The following GRIP1 variants were observed in gnomAD, a reference collection of about 807,000 sequenced individuals.
The protein encoded by GRIP1 is glutamate receptor interacting protein 1.
GRIP1 carries 45 observed loss-of-function variants against 129.9 expected under a neutral mutation model. The observed-to-expected ratio is 0.35, with a 90% confidence interval of 0.27 to 0.44. The LOEUF (loss-of-function observed/expected upper bound fraction) is 0.44. Ranked by LOEUF, GRIP1 falls within the 20% of genes least tolerant of loss-of-function variation. The probability of loss-of-function intolerance (pLI) is 1.00; values close to 1 mark genes in which losing one functional copy is unlikely to be tolerated. For synonymous variants in GRIP1, 530 were observed against 520.8 expected (o/e 1.02, Z -0.24); for missense variants, 1,196 against 1,396.8 (o/e 0.86, Z 2.29).
chr12:66,872,612 TA>T (rs1324574781), intron 1 of GRIP1, among the ~76,000 whole-genome samples: 1 of 151,882 alleles, frequency 6.6e-6, no homozygotes, highest in African/African-American at 2.4e-5. Flanking sequence ...AAAATATATA[TA>T]AAAAAACATC....
intron 24 of GRIP1, among the ~76,000 whole-genome samples, chr12:66,351,977 C>T (rs550516755): frequency 1.3e-5 from 2 of 152,146 alleles, no homozygotes; most frequent in South Asian, 2.1e-4. Context: ...AAAGTTGAGT[C>T]GGAATGAGGC....
At chr12:66,384,700 T>C (rs1402410362) in intron 19 of GRIP1, among the ~76,000 whole-genome samples, 2 of 152,206 alleles carry the variant, frequency 1.3e-5, no homozygotes, top group African/African-American at 2.4e-5. Context: ...GGAGTTACCA[T>C]ATTTCATCAG....
intron 1 of GRIP1, among the ~76,000 whole-genome samples, chr12:66,762,462 A>G (rs1327323135): frequency 2.0e-5 from 3 of 152,136 alleles, no homozygotes; most frequent in Non-Finnish European, 4.4e-5. Context: ...TTTTCCTGTT[A>G]CTTGTTAATA....
chr12:66,732,942 T>C (rs1242956529), intron 1 of GRIP1, among the ~76,000 whole-genome samples: 1 of 152,220 alleles, frequency 6.6e-6, no homozygotes, highest in African/African-American at 2.4e-5. Flanking sequence ...CATTAAGGAT[T>C]GTGCTAGGCC....
rs1316961413 is a variant in GRIP1, at chr12:66,627,810, A to G, written c.56-30883T>C. ...TTTGTTGGAAATTTTACAAAGGAAG[A>G]AAATCTCCTTCTGCTAGTCTTGGAG... On this transcript the variant is annotated intron_variant, in intron 1 of 24. Coordinates refer to ENST00000359742, the MANE Select transcript of GRIP1 (RefSeq NM_001366722.1). 2.0e-5 allele frequency among the ~76,000 whole-genome samples: 3 copies of G among 152,118 alleles called. No homozygotes were observed. The East Asian group carries it at 5.8e-4, about 29-fold the overall frequency.
At chr12:66,543,216 C>T (rs2061840464) in intron 2 of GRIP1, among the ~76,000 whole-genome samples, 1 of 152,094 alleles carries the variant, frequency 6.6e-6, no homozygotes, top group South Asian at 2.1e-4. Context: ...AGAGAATGTC[C>T]TTCAAGGCAG....
At chr12:66,559,960 T>TA (rs1248185688) in intron 2 of GRIP1, among the ~76,000 whole-genome samples, 2 of 151,944 alleles carry the variant, frequency 1.3e-5, no homozygotes, top group Non-Finnish European at 2.9e-5. Flanking sequence ...GGTACTGGCA[T>TA]AAAAACAGAT....
At chr12:66,526,431 G>A (rs1412814041) in intron 5 of GRIP1, among the ~76,000 whole-genome samples, 2 of 152,026 alleles carry the variant, frequency 1.3e-5, no homozygotes, top group Non-Finnish European at 2.9e-5. Context: ...AATGGGGAAA[G>A]GATTCCCTAT....
chr12:66,426,793 T>G (rs1340878717), intron 14 of GRIP1, among the ~76,000 whole-genome samples: 2 of 152,212 alleles, frequency 1.3e-5, no homozygotes, highest in African/African-American at 2.4e-5. Context: ...TTCCTACCAC[T>G]TGAAGGCTAT....
intron 1 of GRIP1, among the ~76,000 whole-genome samples, chr12:66,655,411 C>T (rs564967986): frequency 6.6e-6 from 1 of 152,206 alleles, no homozygotes; most frequent in South Asian, 2.1e-4. Flanking sequence ...CATGTGCAGC[C>T]TCCCCCACTA....
At chr12:66,483,319 T>A (rs1446088909) in intron 7 of GRIP1, among the ~76,000 whole-genome samples, 5 of 152,364 alleles carry the variant, frequency 3.3e-5, no homozygotes, top group African/African-American at 7.2e-5. Flanking sequence ...AAATATTTTT[T>A]AAATTGCTGA....
intron 1 of GRIP1, among the ~76,000 whole-genome samples, chr12:66,930,213 G>A (rs2041369055): frequency 6.9e-6 from 1 of 145,610 alleles, no homozygotes; most frequent in Non-Finnish European, 1.5e-5. Flanking sequence ...CCACTAACTC[G>A]TCATCTAGCA....
intron 9 of GRIP1, among the ~76,000 whole-genome samples, chr12:66,457,932 G>C (rs553119916): frequency 6.6e-6 from 1 of 152,310 alleles, no homozygotes; most frequent in African/African-American, 2.4e-5. Context: ...TTGAGAATTA[G>C]GCAAATACGG....
At chr12:66,707,151 T>G (rs566440873) in intron 1 of GRIP1, among the ~76,000 whole-genome samples, 2 of 151,986 alleles carry the variant, frequency 1.3e-5, no homozygotes, top group East Asian at 3.9e-4. Context: ...CATAAAGCTG[T>G]CCATGTTATG....
At chr12:66,628,764 C>T (rs886958267) in intron 1 of GRIP1, among the ~76,000 whole-genome samples, 2 of 152,184 alleles carry the variant, frequency 1.3e-5, no homozygotes, top group Non-Finnish European at 2.9e-5. Context: ...AGGCCGGGGA[C>T]GCTGCTAAAC....
At chr12:66,785,304 T>TAACA (rs2038286069) in intron 1 of GRIP1, among the ~76,000 whole-genome samples, 3 of 91,340 alleles carry the variant, frequency 3.3e-5, no homozygotes, top group African/African-American at 4.4e-5. Flanking sequence ...TCCAAGAATT[T>TAACA]AACATACATA....
At chr12:66,414,989 T>TAAAAC (rs2057542955) in intron 15 of GRIP1, among the ~76,000 whole-genome samples, 2 of 146,298 alleles carry the variant, frequency 1.4e-5, no homozygotes, top group South Asian at 4.3e-4. Context: ...TAAAATAAAA[T>TAAAAC]GGATTAAAGA....
chr12:66,441,379 T>A (rs2058468013), intron 13 of GRIP1, among the ~76,000 whole-genome samples: 1 of 151,858 alleles, frequency 6.6e-6, no homozygotes, highest in Non-Finnish European at 1.5e-5. Flanking sequence ...CCTTGGTCCC[T>A]TTCTTACTGC....
intron 1 of GRIP1, among the ~76,000 whole-genome samples, chr12:67,012,423 T>C (rs1275398409): frequency 5.3e-5 from 8 of 152,176 alleles, no homozygotes; most frequent in Admixed American, 4.6e-4. Flanking sequence ...AGGAGTGTTC[T>C]AGGACAAACT....
Sources: allele counts gnomAD v4.1 joint callset (sites outside exome capture counted in the v4.1 genomes callset), GRCh38; gene constraint gnomAD v4.1.1; transcripts MANE v1.5; gene names NCBI Gene and HGNC (gene_info 2026-07-23, HGNC 2026-07-21).